The following ARHGAP28 variants were observed in gnomAD, a reference collection of about 807,000 sequenced individuals.
ARHGAP28 encodes Rho GTPase activating protein 28.
A neutral mutation model predicts 90.7 loss-of-function variants in ARHGAP28; 56 were observed. The observed-to-expected ratio is 0.62, with a 90% CI of 0.50 to 0.77. The LOEUF is 0.77. ARHGAP28 is among the 30% of genes least tolerant of loss of function. The pLI, the probability that ARHGAP28 is intolerant of heterozygous loss-of-function variation, is 0.00. For missense variants in ARHGAP28, 869 were observed against 900.9 expected, an observed-to-expected ratio of 0.96 and a Z score of 0.45; for synonymous variants, 308 against 323.3, an observed-to-expected ratio of 0.95 and a Z score of 0.51.
At chr18:6,825,038 C>A in intron 2 of ARHGAP28, 74 bp downstream of exon 2, 1 of 1,272,932 alleles carries the variant, frequency 7.9e-7, no homozygotes. Context: ...TGTTCATAGG[C>A]AGAAATCATC....
At chr18:6,747,780 C>T (rs2143231173) in intron 1 of ARHGAP28, among the ~76,000 whole-genome samples, 1 of 152,262 alleles carries the variant, frequency 6.6e-6, no homozygotes, top group South Asian at 2.1e-4. Flanking sequence ...CATAGTGGTT[C>T]AGCCAGAGTG....
chr18:6,741,689 G>A (rs1199879203), intron 1 of ARHGAP28, among the ~76,000 whole-genome samples: 2 of 152,126 alleles, frequency 1.3e-5, no homozygotes, highest in African/African-American at 4.8e-5. Flanking sequence ...GCCATTTAGC[G>A]GACTTTTGAA....
chr18:6,736,513 G>A (rs1350638719), intron 1 of ARHGAP28, among the ~76,000 whole-genome samples: 3 of 151,844 alleles, frequency 2.0e-5, no homozygotes, highest in African/African-American at 7.3e-5. Context: ...GCCGAGGTGA[G>A]CGGATCACCT....
chr18:6,902,275 A>G (rs927224015), intron 16 of ARHGAP28, among the ~76,000 whole-genome samples: 3 of 152,232 alleles, frequency 2.0e-5, no homozygotes, highest in Non-Finnish European at 4.4e-5. Context: ...ATATTGGTTC[A>G]TTAATTGTAA....
At chr18:6,791,278 C>G (rs1658905780) in intron 1 of ARHGAP28, 1 of 152,106 alleles carries the variant, frequency 6.6e-6, no homozygotes, top group South Asian at 2.1e-4. Context: ...TTCCATGTTC[C>G]TCTGCCTGCT....
intron 1 of ARHGAP28, among the ~76,000 whole-genome samples, chr18:6,741,752 C>T (rs78708456): frequency 0.04 from 6,107 of 152,184 alleles, 409 homozygotes; most frequent in African/African-American, 0.14. Flanking sequence ...CTAGGTTATT[C>T]TTGCTTTTGT....
chr18:6,906,606 A>T (rs2057366004), intron 16 of ARHGAP28, among the ~76,000 whole-genome samples: 1 of 152,178 alleles, frequency 6.6e-6, no homozygotes, highest in Admixed American at 6.5e-5. Context: ...CTCGATCTAA[A>T]CCTCACACCT....
At chr18:6,807,467 A>G (rs1190156526) in intron 1 of ARHGAP28, among the ~76,000 whole-genome samples, 1 of 152,124 alleles carries the variant, frequency 6.6e-6, no homozygotes, top group African/African-American at 2.4e-5. Context: ...CTTGAAAACT[A>G]TTTGATCCTT....
chr18:6,798,031 A>G (rs2056454632), intron 1 of ARHGAP28, among the ~76,000 whole-genome samples: 1 of 150,660 alleles, frequency 6.6e-6, no homozygotes, highest in African/African-American at 2.4e-5. Flanking sequence ...GAAAAGATTT[A>G]TTTTAATAAA....
chr18:6,764,366 T>C (rs1315541123), intron 1 of ARHGAP28, among the ~76,000 whole-genome samples: 1 of 152,070 alleles, frequency 6.6e-6, no homozygotes, highest in Non-Finnish European at 1.5e-5. Flanking sequence ...AAAACCATAG[T>C]GTATGTAGGG....
chr18:6,838,666 C>T (rs944251613), intron 3 of ARHGAP28, among the ~76,000 whole-genome samples: 1 of 152,168 alleles, frequency 6.6e-6, no homozygotes, highest in East Asian at 1.9e-4. Context: ...TAAATATGAA[C>T]AGTCACATGT....
intron 4 of ARHGAP28, among the ~76,000 whole-genome samples, chr18:6,856,573 A>G (rs965200198): frequency 6.6e-6 from 1 of 152,144 alleles, no homozygotes; most frequent in Non-Finnish European, 1.5e-5. Context: ...GCACTGGCAC[A>G]ATCATAGCTC....
At chr18:6,853,261 G>A (rs2143287799) in intron 4 of ARHGAP28, among the ~76,000 whole-genome samples, 1 of 152,182 alleles carries the variant, frequency 6.6e-6, no homozygotes, top group South Asian at 2.1e-4. Context: ...TCTCATTCAG[G>A]CCACGATGGA....
At chr18:6,822,523 T>G (rs2056633349) in intron 1 of ARHGAP28, among the ~76,000 whole-genome samples, 1 of 152,204 alleles carries the variant, frequency 6.6e-6, no homozygotes, top group Admixed American at 6.5e-5. Context: ...TCTTGTCAAT[T>G]TCATAGGTAT....
intron 5 of ARHGAP28, among the ~76,000 whole-genome samples, chr18:6,865,615 A>T (rs2057032355): frequency 1.3e-5 from 2 of 152,206 alleles, no homozygotes; most frequent in African/African-American, 4.8e-5. Context: ...ACATGTTTTG[A>T]GTCAGTGAAA....
At chr18:6,911,996 T>TA in intron 17 of ARHGAP28, 64 bp from the exon 18 acceptor site, 1 of 1,044,686 alleles carries the variant, frequency 9.6e-7, no homozygotes, top group Non-Finnish European at 1.4e-6. Flanking sequence ...CACAGACACA[T>TA]ATGTGTGCGC....
intron 1 of ARHGAP28, among the ~76,000 whole-genome samples, chr18:6,776,760 G>A (rs9951689): frequency 0.51 from 78,125 of 151,712 alleles, 20,736 homozygotes; most frequent in East Asian, 0.9. Context: ...TCTTTCAGTC[G>A]GTGGTAGATC....
chr18:6,900,992 G>T (rs1363566079), intron 16 of ARHGAP28, among the ~76,000 whole-genome samples: 1 of 152,172 alleles, frequency 6.6e-6, no homozygotes, highest in Admixed American at 6.5e-5. Flanking sequence ...CATAACATTT[G>T]TCAAGTACTT....
intron 4 of ARHGAP28, among the ~76,000 whole-genome samples, chr18:6,856,878 T>C (rs2056958177): frequency 6.6e-6 from 1 of 152,256 alleles, no homozygotes; most frequent in Non-Finnish European, 1.5e-5. Flanking sequence ...CTTTTATGTC[T>C]GGCTTCTTTA....
Sources: gnomAD v4.1 joint callset for allele counts (sites outside exome capture counted in the v4.1 genomes callset) on GRCh38, gnomAD v4.1.1 for gene constraint, MANE v1.5 for transcripts, NCBI Gene and HGNC (gene_info 2026-07-23, HGNC 2026-07-21) for gene names.